RGS7: variants seen among roughly 807,000 people sequenced by gnomAD.
The protein encoded by RGS7 is regulator of G protein signaling 7.
Under a neutral mutation model 81.1 loss-of-function variants are expected in RGS7, and 27 were observed. The ratio of observed to expected loss-of-function variants is 0.33; its 90% CI spans 0.25 to 0.46. The LOEUF (loss-of-function observed/expected upper bound fraction) is 0.46. Ranked by LOEUF, RGS7 falls within the 20% of genes least tolerant of loss-of-function variation. The probability of loss-of-function intolerance (pLI) is 1.00; values close to 1 mark genes in which losing one functional copy is unlikely to be tolerated. For missense variants in RGS7, 396 were observed against 607.4 expected, an observed-to-expected ratio of 0.65 and a Z score of 3.66; for synonymous variants, 208 against 207.7, an observed-to-expected ratio of 1.00 and a Z score of -0.01.
At chr1:241,213,678 A>G (rs1375197303) in intron 2 of RGS7, among the ~76,000 whole-genome samples, 1 of 152,248 alleles carries the variant, frequency 6.6e-6, no homozygotes, top group Admixed American at 6.5e-5. Flanking sequence ...TGTTGTAGCT[A>G]AAGTTTACTT....
chr1:241,040,395 CATT>C (rs1023359109), intron 3 of RGS7, among the ~76,000 whole-genome samples: 7 of 152,186 alleles, frequency 4.6e-5, no homozygotes, highest in African/African-American at 1.7e-4. Flanking sequence ...TGCTAAACGT[CATT>C]TTTTCCAAGG....
intron 4 of RGS7, among the ~76,000 whole-genome samples, chr1:240,941,663 G>A (rs1181678195): frequency 6.6e-6 from 1 of 151,978 alleles, no homozygotes; most frequent in Non-Finnish European, 1.5e-5. Flanking sequence ...ATAAATGCCA[G>A]TAAGAATGGA....
At chr1:240,969,786 A>G (rs1429057825) in intron 4 of RGS7, among the ~76,000 whole-genome samples, 1 of 152,188 alleles carries the variant, frequency 6.6e-6, no homozygotes, top group African/African-American at 2.4e-5. Flanking sequence ...CACACCAGGT[A>G]TGAATCCCAG....
rs572307250 is a variant in RGS7, at chr1:241,197,038, G to C, written c.79-98276C>G. On this transcript the variant is annotated intron_variant, in intron 2 of 18. Transcript: ENST00000440928. Reference sequence around the variant, plus strand: ...AATAAGGAATATGCTGGGTTAATTAGAAAATAAATGTAAAGTTCTAGATTT... The same window carrying C: ...AATAAGGAATATGCTGGGTTAATTACAAAATAAATGTAAAGTTCTAGATTT... Among the ~76,000 whole-genome samples, 144 of 146,028 alleles carry C rather than the reference G, an allele frequency of 9.9e-4. 2 individuals are homozygous for C. Among genetic ancestry groups the C allele is most frequent in the Non-Finnish European group, 1.0e-3 (69 of 66,432 alleles).
In RGS7 at chr1:240,930,611, A is replaced by G. The variant is rs1033429850; in HGVS notation, c.385+106T>C. ...TGTTAAAAATATTGGTCCCATCCTG[A>G]GAACTGTGGTTTCCTTTTCTTAATG... is the stretch of plus-strand genomic sequence containing the variant. On this transcript the variant is annotated intron_variant, in intron 6 of 18. Coordinates refer to ENST00000440928, the MANE Select transcript of RGS7 (RefSeq NM_001364886.1). 5.6e-6 allele frequency: 6 copies of G among 1,075,862 alleles called. No homozygotes were observed. The African/African-American group carries it at 9.3e-5, about 17-fold the overall frequency. 66.6% of individuals were successfully genotyped at this position (1,075,862 alleles called of 1,614,324 possible).
intron 9 of RGS7, among the ~76,000 whole-genome samples, chr1:240,860,326 G>T (rs148350865): frequency 6.6e-6 from 1 of 152,012 alleles, no homozygotes; most frequent in Non-Finnish European, 1.5e-5. Context: ...ATAAAATAGC[G>T]TATTTATCCA....
Position 241,065,551 on chromosome 1 carries a change from T to C in RGS7, c.175+33115A>G, listed in dbSNP as rs560204157. 9.2e-5 allele frequency among the ~76,000 whole-genome samples: 14 copies of C among 152,364 alleles called. No individual in the cohort carries two copies. The South Asian group carries it at 2.7e-3, about 29-fold the overall frequency. On this transcript the variant is annotated intron_variant, in intron 3 of 18. Coordinates refer to ENST00000440928, the MANE Select transcript of RGS7 (RefSeq NM_001364886.1). ...GTTAACACATTATCTTTCTATTTTA[T>C]ATCAATGGGAGTTATTTAAACCACC...
At chr1:241,128,687 C>T (rs2066864223) in intron 2 of RGS7, among the ~76,000 whole-genome samples, 2 of 144,826 alleles carry the variant, frequency 1.4e-5, no homozygotes, top group South Asian at 2.3e-4. Flanking sequence ...AAATAATTTA[C>T]ATCTCTATAA....
At chr1:241,050,674 T>G (rs1040910530) in intron 3 of RGS7, among the ~76,000 whole-genome samples, 1 of 151,996 alleles carries the variant, frequency 6.6e-6, no homozygotes, top group African/African-American at 2.4e-5. Flanking sequence ...CACCAACGCC[T>G]CCTCCTCCTC....
At chr1:240,992,038 T>C (rs778905780) in intron 3 of RGS7, among the ~76,000 whole-genome samples, 3 of 152,218 alleles carry the variant, frequency 2.0e-5, no homozygotes, top group Non-Finnish European at 4.4e-5. Flanking sequence ...ACAGTTGCTG[T>C]ATCTGTTGAC....
intron 3 of RGS7, among the ~76,000 whole-genome samples, chr1:240,994,072 A>C (rs1004908059): frequency 1.3e-5 from 2 of 152,220 alleles, no homozygotes; most frequent in Non-Finnish European, 2.9e-5. Context: ...AGTTCTGTTT[A>C]CCACAGTTAT....
intron 3 of RGS7, among the ~76,000 whole-genome samples, chr1:241,082,167 T>C (rs1487700341): frequency 6.6e-6 from 1 of 152,224 alleles, no homozygotes; most frequent in African/African-American, 2.4e-5. Context: ...AAAGGAATTA[T>C]TGTAATTATG....
intron 9 of RGS7, among the ~76,000 whole-genome samples, chr1:240,845,604 C>A (rs1167999896): frequency 1.3e-5 from 2 of 152,176 alleles, no homozygotes; most frequent in Non-Finnish European, 2.9e-5. Flanking sequence ...CAGAGTCTTG[C>A]TTTCTCTTAT....
intron 4 of RGS7, among the ~76,000 whole-genome samples, chr1:240,937,157 TG>T (rs1676775714): frequency 6.6e-6 from 1 of 152,164 alleles, no homozygotes; most frequent in South Asian, 2.1e-4. Flanking sequence ...CAGTTTAGAT[TG>T]TGTGGTACGA....
At chr1:241,060,652 A>G (rs553927353) in intron 3 of RGS7, among the ~76,000 whole-genome samples, 4 of 152,248 alleles carry the variant, frequency 2.6e-5, no homozygotes, top group East Asian at 1.9e-4. Flanking sequence ...TATCATTGCT[A>G]TAAGGTTAAT....
At chr1:240,998,997 A>T (rs1687733372) in intron 3 of RGS7, among the ~76,000 whole-genome samples, 1 of 151,964 alleles carries the variant, frequency 6.6e-6, no homozygotes, top group Non-Finnish European at 1.5e-5. Context: ...CCTTTTTGTC[A>T]GTCTGTTTTC....
At chr1:241,318,782 G>A (rs754569976) in intron 2 of RGS7, among the ~76,000 whole-genome samples, 3 of 152,042 alleles carry the variant, frequency 2.0e-5, no homozygotes, top group Non-Finnish European at 4.4e-5. Context: ...AGACTATCCT[G>A]AGAATTTTCA....
intron 2 of RGS7, among the ~76,000 whole-genome samples, chr1:241,213,636 T>C (rs772588051): frequency 1.3e-5 from 2 of 152,230 alleles, no homozygotes; most frequent in Non-Finnish European, 2.9e-5. Flanking sequence ...CTTCTTACAG[T>C]GTAATTTCAT....
chr1:241,226,211 T>C (rs2075299842), intron 2 of RGS7, among the ~76,000 whole-genome samples: 1 of 152,202 alleles, frequency 6.6e-6, no homozygotes, highest in African/African-American at 2.4e-5. Flanking sequence ...AGGAAATCCA[T>C]CTTACCCTCT....
Sources: gnomAD v4.1 joint callset for allele counts (sites outside exome capture counted in the v4.1 genomes callset) on GRCh38, gnomAD v4.1.1 for gene constraint, MANE v1.5 for transcripts, NCBI Gene and HGNC (gene_info 2026-07-23, HGNC 2026-07-21) for gene names.